MRTFB: variants seen among roughly 807,000 people sequenced by gnomAD.
MRTFB encodes the protein myocardin-related transcription factor B.
In MRTFB, 29 loss-of-function variants were observed where a neutral mutation model predicts 104.2. The ratio of observed to expected loss-of-function variants is 0.28; its 90% CI spans 0.21 to 0.38. The LOEUF (loss-of-function observed/expected upper bound fraction) is 0.38, where lower values mean the gene tolerates loss of function less well. MRTFB is among the 10% of genes least tolerant of loss of function. MRTFB has a pLI of 1.00. For missense variants in MRTFB, 1,270 were observed against 1,341.6 expected (o/e 0.95, Z 0.83); for synonymous variants, 535 against 519.5 (o/e 1.03, Z -0.41).
intron 2 of MRTFB, among the ~76,000 whole-genome samples, chr16:14,128,629 T>C (rs1567357307): frequency 1.3e-5 from 2 of 152,212 alleles, no homozygotes; most frequent in African/African-American, 4.8e-5. Flanking sequence ...TAGATATCTT[T>C]CCATATCAGT....
At chr16:14,107,094 G>T (rs918375265) in intron 2 of MRTFB, among the ~76,000 whole-genome samples, 2 of 152,140 alleles carry the variant, frequency 1.3e-5, no homozygotes, top group African/African-American at 2.4e-5. Context: ...AGCTTAGCTG[G>T]GTATGGTGGC....
chr16:14,256,110 CAAA>C (rs201182839), intron 15 of MRTFB, among the ~76,000 whole-genome samples: 2 of 73,436 alleles, frequency 2.7e-5, no homozygotes, highest in Non-Finnish European at 3.0e-5. Context: ...GAGACTGTCT[CAAA>C]AAAAAAAAAA....
chr16:14,140,838 A>G lies in MRTFB; in HGVS notation c.154+78A>G, dbSNP rs1253190480. The G allele has an allele frequency of 3.2e-6, 5 of 1,576,960 alleles. No individual in the cohort carries two copies. The South Asian group carries it at 5.7e-5, about 18-fold the overall frequency. On this transcript the variant is annotated intron_variant, in intron 3 of 16. Transcript: ENST00000571589. ...GGAGCCCAGTTTATTCCTGTTTGGT[A>G]GTAATATTTTGGTCAGTTCAGCAGT...
chr16:14,065,304 A>G, the MRTFB span, among the ~76,000 whole-genome samples: 1 of 152,092 alleles, frequency 6.6e-6, no homozygotes, highest in Non-Finnish European at 1.5e-5. Flanking sequence ...TTCTACATTG[A>G]TTTTGTATCC....
intron 3 of MRTFB, among the ~76,000 whole-genome samples, chr16:14,193,470 G>T (rs11646338): frequency 6.6e-6 from 1 of 152,166 alleles, no homozygotes; most frequent in South Asian, 2.1e-4. Flanking sequence ...TTTCACTTCA[G>T]ATGTCGCCTT....
Position 14,241,962 on chromosome 16 carries a change from A to G in MRTFB, c.1079+1478A>G, listed in dbSNP as rs1387483400. ...CTGCCATCCTCCTTTGGCATTGGGC[A>G]CCAATAATAATAATAATAATAATAA... is the stretch of plus-strand genomic sequence containing the variant. On this transcript the variant is annotated intron_variant, in intron 10 of 16. Coordinates refer to ENST00000571589, the MANE Select transcript of MRTFB (RefSeq NM_001308142.2). 5.2e-5 allele frequency among the ~76,000 whole-genome samples: 6 copies of G among 114,720 alleles called. No homozygotes were observed. In the East Asian group the frequency reaches 1.5e-3, roughly 30 times the overall value. 75.3% of individuals were successfully genotyped at this position (114,720 alleles called of 152,430 possible).
the MRTFB span, among the ~76,000 whole-genome samples, chr16:14,036,296 T>A: frequency 7.3e-3 from 720 of 98,250 alleles, 12 homozygotes; most frequent in African/African-American, 0.023. Context: ...TTATATATAT[T>A]TATATATATA....
chr16:14,232,029 GA>G (rs2042291286), intron 8 of MRTFB, among the ~76,000 whole-genome samples: 1 of 152,136 alleles, frequency 6.6e-6, no homozygotes, highest in Non-Finnish European at 1.5e-5. Flanking sequence ...GCACAGTCTA[GA>G]AATTTAGGCA....
intron 9 of MRTFB, among the ~76,000 whole-genome samples, chr16:14,235,253 G>T (rs1391144647): frequency 3.3e-5 from 5 of 152,218 alleles, no homozygotes; most frequent in Non-Finnish European, 7.3e-5. Flanking sequence ...TGTCAGCGTG[G>T]CCGAGTATTG....
intron 8 of MRTFB, among the ~76,000 whole-genome samples, chr16:14,231,850 A>G (rs1448991153): frequency 6.6e-6 from 1 of 152,152 alleles, no homozygotes; most frequent in Admixed American, 6.5e-5. Context: ...GGTCCTTTCT[A>G]AAGCACATTA....
chr16:14,150,210 A>C (rs2038543330), intron 3 of MRTFB, among the ~76,000 whole-genome samples: 1 of 152,204 alleles, frequency 6.6e-6, no homozygotes, highest in Non-Finnish European at 1.5e-5. Context: ...CAAAGTGGGG[A>C]TCACACTAGT....
chr16:14,041,249 T>C, the MRTFB span, among the ~76,000 whole-genome samples: 4 of 152,356 alleles, frequency 2.6e-5, no homozygotes, highest in Admixed American at 6.5e-5. Context: ...TTCAGTTTCA[T>C]AGTGTGAACT....
chr16:14,023,113 G>A, the MRTFB span, among the ~76,000 whole-genome samples: 1 of 152,122 alleles, frequency 6.6e-6, no homozygotes, highest in Non-Finnish European at 1.5e-5. Flanking sequence ...GTGAAAGGGA[G>A]CAGCTATTAA....
chr16:14,148,998 A>G (rs61693452), intron 3 of MRTFB, among the ~76,000 whole-genome samples: 3,879 of 152,326 alleles, frequency 0.025, 177 homozygotes, highest in African/African-American at 0.088. Context: ...ATTAGTAAAC[A>G]TACTTGCCAG....
At position 14,260,966 on chromosome 16, in the gene MRTFB, C is replaced by T. The variant is rs1352708230; in HGVS notation, c.2822C>T (p.Thr941Ile). 1 of 1,614,122 alleles carries T rather than the reference C, an allele frequency of 6.2e-7. No homozygotes were observed. Among genetic ancestry groups the T allele is most frequent in the East Asian group, 2.2e-5 (1 of 44,884 alleles). ...PSPISKMRPVTASITTMPVNT... is the reference protein window; with the variant it reads ...PSPISKMRPVIASITTMPVNT... ...CCTATTTCCAAAATGAGACCAGTGACAGCCAGCATCACCACAATGCCAGTG... is the reference window on the plus strand; with the variant it reads ...CCTATTTCCAAAATGAGACCAGTGATAGCCAGCATCACCACAATGCCAGTG... Residue 941 changes from threonine to isoleucine, a missense_variant, in exon 17 of 17, where the codon ACA (threonine) becomes ATA (isoleucine). Around this residue, in one of 3 missense-constraint regions of MRTFB, gnomAD observed 1,144 missense variants for 1,131.5 expected, o/e 1.01. Coordinates refer to ENST00000571589, the MANE Select transcript of MRTFB (RefSeq NM_001308142.2).
chr16:14,171,152 T>C (rs2039409920), intron 3 of MRTFB, among the ~76,000 whole-genome samples: 1 of 152,212 alleles, frequency 6.6e-6, no homozygotes, highest in East Asian at 1.9e-4. Context: ...AACTGGAGCT[T>C]TTCTTGCCCC....
the MRTFB span, chr16:14,020,417 C>T: frequency 2.0e-5 from 3 of 152,118 alleles, no homozygotes; most frequent in African/African-American, 7.2e-5. Flanking sequence ...TCTAGAGATG[C>T]TTCAGTAAAC....
At chr16:14,067,980 C>T (rs932422265), upstream of MRTFB, among the ~76,000 whole-genome samples, 16 of 151,980 alleles carry the variant, frequency 1.1e-4, no homozygotes, top group African/African-American at 3.6e-4. Context: ...TACAGCCGCC[C>T]GCCACCATGC....
chr16:14,094,457 T>C (rs2035250921), intron 2 of MRTFB, among the ~76,000 whole-genome samples: 1 of 152,226 alleles, frequency 6.6e-6, no homozygotes, highest in South Asian at 2.1e-4. Context: ...TTTACATATA[T>C]ATGTAAGCAG....
Sources: gnomAD v4.1 joint callset for allele counts (sites outside exome capture counted in the v4.1 genomes callset) on GRCh38, gnomAD v4.1.1 for gene constraint, gnomAD v4.1.1 regional missense constraint, MANE v1.5 for transcripts, NCBI Gene and HGNC (gene_info 2026-07-23, HGNC 2026-07-21) for gene names.